The following CDRT15 variants were observed in gnomAD, a reference collection of about 807,000 sequenced individuals.
CDRT15 encodes the protein CMT1A duplicated region transcript 15 protein.
CDRT15 carries 9 observed loss-of-function variants against 14.9 expected under a neutral mutation model. The ratio of observed to expected loss-of-function variants is 0.60; its 90% CI spans 0.36 to 1.06. CDRT15 has a LOEUF of 1.06. Ranked by LOEUF, CDRT15 falls within the 50% of genes least tolerant of loss-of-function variation. The pLI is 0.01. For synonymous variants in CDRT15, 50 were observed against 96.6 expected, an observed-to-expected ratio of 0.52 and a Z score of 2.83; for missense variants, 117 against 235.3, an observed-to-expected ratio of 0.50 and a Z score of 3.29.
Position 14,235,763 on chromosome 17 carries a change from TG to T in CDRT15, c.*92del. ...ATAAATGGTAGGGCAGGTGGTGGCA[TG>T]GAGAGCCTGGGGCACAACGGCTGTC... is the stretch of plus-strand genomic sequence containing the variant. On this transcript the variant is annotated 3_prime_UTR_variant, in exon 3 of 3. Transcript: ENST00000420162. The T allele has an allele frequency of 9.8e-7, 1 of 1,016,144 alleles. No individual in the cohort carries two copies. Among genetic ancestry groups the T allele is most frequent in the Non-Finnish European group, 1.4e-6 (1 of 692,476 alleles). The allele number at this position is 1,016,144 out of a possible 1,614,324, so 62.9% of individuals were successfully genotyped here.
In CDRT15 at chr17:14,235,770, C is replaced by G; in HGVS notation, c.*86G>C. On this transcript the variant is annotated 3_prime_UTR_variant, in exon 3 of 3. Transcript: ENST00000420162. ...GTAGGGCAGGTGGTGGCATGGAGAG[C>G]CTGGGGCACAACGGCTGTCGTTAAA... 5.3e-6 allele frequency: 6 copies of G among 1,127,416 alleles called. No individual in the cohort carries two copies. The highest frequency in any genetic ancestry group is 7.6e-6 in the Non-Finnish European group (6 of 785,178). The allele number at this position is 1,127,416 out of a possible 1,614,324, so 69.8% of individuals were successfully genotyped here. A position where few individuals can be genotyped will look rare whatever the true frequency, so the allele number is the denominator to read the frequency against.
Position 14,236,281 on chromosome 17 carries a change from C to G in CDRT15, c.411+1G>C. 6.2e-7 allele frequency: 1 copy of G among 1,611,878 alleles called. No homozygotes were observed. Among genetic ancestry groups the G allele is most frequent in the Non-Finnish European group, 8.5e-7 (1 of 1,179,500 alleles). On this transcript the variant is annotated splice_donor_variant, in intron 2 of 2. Transcript: ENST00000420162. LOFTEE classifies it high-confidence loss of function. ...TTAGGGCTAGTGGCTACAGTACGTG[C>G]CGTGATTTCAGGCAGCTCCTCGTTG...
chr17:14,236,828 G>C lies in CDRT15; in HGVS notation c.6C>G (p.Phe2Leu). M[F>L]SCCFPTSRGC... ...CTCTCGAAGTGGGGAAGCAACACGA[G>C]AACATCTTGCTCTCTTGAGCGACTC... Residue 2 changes from phenylalanine to leucine, a missense_variant, in exon 1 of 3, where the codon TTC becomes TTG. Transcript: ENST00000420162. 3.1e-6 allele frequency: 5 copies of C among 1,609,060 alleles called. No homozygotes were observed. The highest frequency in any genetic ancestry group is 4.2e-6 in the Non-Finnish European group (5 of 1,178,186).
Position 14,236,689 on chromosome 17 carries a change from G to C in CDRT15, c.145C>G (p.Gln49Glu), listed in dbSNP as rs1907408975. 5 of 1,611,596 alleles carry C rather than the reference G, an allele frequency of 3.1e-6. No homozygotes were observed. The highest frequency in any genetic ancestry group is 4.2e-6 in the Non-Finnish European group (5 of 1,179,316). The change falls in exon 1 of 3, where the codon CAG becomes GAG. Residue 49 changes from glutamine (Q) to glutamate (E), a missense_variant. Physicochemically the swap from Gln to Glu is conservative, Grantham distance 29. Coordinates refer to ENST00000420162, the MANE Select transcript of CDRT15 (RefSeq NM_001007530.3). Reference sequence around the variant, plus strand: ...GCTAGGGCCTGCCCCAGGCTGTCCTGTGGTACCTGGATGCGCCTTATTACA... The same window carrying C: ...GCTAGGGCCTGCCCCAGGCTGTCCTCTGGTACCTGGATGCGCCTTATTACA... Reference protein sequence around the residue: ...PVVIRRIQVPQDSLGQALAGQ... With the variant: ...PVVIRRIQVPEDSLGQALAGQ...
At position 14,236,304 on chromosome 17, in the gene CDRT15, T is replaced by G. The variant is rs1223875198; in HGVS notation, c.389A>C (p.Asn130Thr). Reference sequence around the variant, plus strand: ...TGCCGTGATTTCAGGCAGCTCCTCGTTGGTCTGGTCCTTGGCTGGAGCTCC... The same window carrying G: ...TGCCGTGATTTCAGGCAGCTCCTCGGTGGTCTGGTCCTTGGCTGGAGCTCC... Reference protein sequence around the residue: ...LEGAPAKDQTNEELPEITEVP... With the variant: ...LEGAPAKDQTTEELPEITEVP... The change falls in exon 2 of 3, where the codon AAC (asparagine) becomes ACC (threonine). Residue 130 changes from asparagine (N) to threonine (T), a missense_variant. Asn to Thr is a moderately conservative substitution (Grantham distance 65). Around this residue, in one of 3 missense-constraint regions of CDRT15, gnomAD observed 61 missense variants for 138.2 expected, o/e 0.44. Transcript: ENST00000420162. 6.2e-7 allele frequency: 1 copy of G among 1,612,380 alleles called. No homozygotes were observed. Among genetic ancestry groups the G allele is most frequent in the Non-Finnish European group, 8.5e-7 (1 of 1,179,734 alleles).
At position 14,236,348 on chromosome 17, in the gene CDRT15, C is replaced by T; in HGVS notation, c.345G>A (p.Glu115=). 6.2e-7 allele frequency: 1 copy of T among 1,611,860 alleles called. No individual in the cohort carries two copies. The highest frequency in any genetic ancestry group is 2.2e-5 in the East Asian group (1 of 44,864). Reference sequence around the variant, plus strand: ...GAGCTCCCTCCAGCTCCAGTGCTCTCTCTGGAGGGGCCTCTTCCCATGCTG... The same window carrying T: ...GAGCTCCCTCCAGCTCCAGTGCTCTTTCTGGAGGGGCCTCTTCCCATGCTG... ...PEPAWEEAPP[E]RALELEGAPA... is the part of the protein sequence containing the mutation. The change falls in exon 2 of 3, where the codon GAG becomes GAA. Residue 115 remains glutamate (E), a synonymous_variant. Coordinates refer to ENST00000420162, the MANE Select transcript of CDRT15 (RefSeq NM_001007530.3).
rs552803713 is a variant in CDRT15 at position 14,236,163 on chromosome 17, G to A, written c.411+119C>T. 3.1e-5 allele frequency: 48 copies of A among 1,527,818 alleles called. No homozygotes were observed. In the African/African-American group the frequency reaches 6.1e-4, roughly 20 times the overall value. The allele number at this position is 1,527,818 out of a possible 1,614,324, so 94.6% of individuals were successfully genotyped here. On this transcript the variant is annotated intron_variant, in intron 2 of 2. Coordinates refer to ENST00000420162, the MANE Select transcript of CDRT15 (RefSeq NM_001007530.3). ...GCCTGCATGTTTGCCACCGTGCCCA[G>A]GACTAGGGGCAGCATGGGAGCTGCT...
intron 2 of CDRT15, 53 bp downstream of exon 2, chr17:14,236,229 T>A: frequency 6.3e-7 from 1 of 1,598,410 alleles, no homozygotes; most frequent in Non-Finnish European, 8.5e-7. Context: ...CCCACTTCTC[T>A]CTCCAGCCAC....
At chr17:14,236,162 A>T in intron 2 of CDRT15, 120 bp downstream of exon 2, 2 of 1,519,488 alleles carry the variant, frequency 1.3e-6, no homozygotes, top group Non-Finnish European at 1.8e-6. Flanking sequence ...CACCGTGCCC[A>T]GGACTAGGGG....
rs770108402 is a variant in CDRT15, at chr17:14,236,368, A to G, written c.325T>C (p.Trp109Arg). ...GCTCTCTCTGGAGGGGCCTCTTCCC[A>G]TGCTGGCTCTGGCTCCGCCGCTGGT... ...PAPAAEPEPA[W>R]EEAPPERALE... Residue 109 changes from tryptophan (W) to arginine (R), a missense_variant, in exon 2 of 3, where the codon TGG becomes CGG. Trp to Arg is a moderately radical substitution (Grantham distance 101). This residue lies in a region of CDRT15 where 61 missense variants were observed against 138.2 expected (regional missense o/e 0.44). Transcript: ENST00000420162. 1.2e-6 allele frequency: 2 copies of G among 1,611,834 alleles called. No individual in the cohort carries two copies. Among genetic ancestry groups the G allele is most frequent in the East Asian group, 2.2e-5 (1 of 44,832 alleles).
rs1223875198 is a variant in CDRT15, at chr17:14,236,304, T to A, written c.389A>T (p.Asn130Ile). 1 of 1,612,380 alleles carries A rather than the reference T, an allele frequency of 6.2e-7. No individual in the cohort carries two copies. Among genetic ancestry groups the A allele is most frequent in the African/African-American group, 1.3e-5 (1 of 74,882 alleles). Residue 130 changes from asparagine (N) to isoleucine (I), a missense_variant, in exon 2 of 3, where the codon AAC becomes ATC. Asn to Ile is a moderately radical substitution (Grantham distance 149). Around this residue, in one of 3 missense-constraint regions of CDRT15, gnomAD observed 61 missense variants for 138.2 expected, o/e 0.44. Coordinates refer to ENST00000420162, the MANE Select transcript of CDRT15 (RefSeq NM_001007530.3). Reference sequence around the variant, plus strand: ...TGCCGTGATTTCAGGCAGCTCCTCGTTGGTCTGGTCCTTGGCTGGAGCTCC... The same window carrying A: ...TGCCGTGATTTCAGGCAGCTCCTCGATGGTCTGGTCCTTGGCTGGAGCTCC... ...LEGAPAKDQT[N>I]EELPEITEVP...
rs1425335942 is a variant in CDRT15 at position 14,236,858 on chromosome 17, C to A, written c.-25G>T. ...TCTTGCTCTCTTGAGCGACTCCCAC[C>A]AAGTGAGCTGTTTACGGCGCTGACT... On this transcript the variant is annotated 5_prime_UTR_variant, in exon 1 of 3. Coordinates refer to ENST00000420162, the MANE Select transcript of CDRT15 (RefSeq NM_001007530.3). The A allele has an allele frequency of 1.9e-6, 3 of 1,591,394 alleles. No individual in the cohort carries two copies. The highest frequency in any genetic ancestry group is 1.2e-5 in the South Asian group (1 of 86,600).
Position 14,236,555 on chromosome 17 carries a change from G to A in CDRT15, c.262+17C>T. ...TCACCGCCCCCGCAAAGTCTTCCAG[G>A]CTGCAGGCCACCTCACCAAGTGTCT... On this transcript the variant is annotated intron_variant, in intron 1 of 2. Coordinates refer to ENST00000420162, the MANE Select transcript of CDRT15 (RefSeq NM_001007530.3). The A allele has an allele frequency of 3.8e-6, 6 of 1,560,624 alleles. No individual in the cohort carries two copies. The highest frequency in any genetic ancestry group is 5.2e-6 in the Non-Finnish European group (6 of 1,151,092).
In CDRT15 at chr17:14,236,193, G is replaced by A; in HGVS notation, c.411+89C>T. 4.5e-6 allele frequency: 7 copies of A among 1,567,592 alleles called. No homozygotes were observed. In the South Asian group the frequency reaches 8.5e-5, roughly 19 times the overall value. ...AGGGGCAGCATGGGAGCTGCTGGCT[G>A]GGGCTGTGCTGGTCACCCCCTCCCT... On this transcript the variant is annotated intron_variant, in intron 2 of 2. Transcript: ENST00000420162.
At position 14,236,814 on chromosome 17, in the gene CDRT15, G is replaced by A. The variant is rs374082561; in HGVS notation, c.20C>T (p.Pro7Leu). The A allele has an allele frequency of 3.9e-5, 63 of 1,611,112 alleles. No individual in the cohort carries two copies. In the African/African-American group the frequency reaches 8.3e-4, roughly 21 times the overall value. The change falls in exon 1 of 3, where the codon CCC (proline) becomes CTC (leucine). Residue 7 changes from proline to leucine, a missense_variant. Physicochemically the swap from Pro to Leu is moderately conservative, Grantham distance 98. This residue lies in a region of CDRT15 where 50 missense variants were observed against 48.8 expected (regional missense o/e 1.03). Transcript: ENST00000420162. ...CCTGAAGCAGCAACCTCTCGAAGTG[G>A]GGAAGCAACACGAGAACATCTTGCT... Reference protein sequence around the residue: MFSCCFPTSRGCCFRNG... With the variant: MFSCCFLTSRGCCFRNG...
At position 14,236,311 on chromosome 17, in the gene CDRT15, G is replaced by C. The variant is rs764142245; in HGVS notation, c.382C>G (p.Gln128Glu). The C allele has an allele frequency of 1.1e-5, 17 of 1,612,338 alleles. No individual in the cohort carries two copies. Among genetic ancestry groups the C allele is most frequent in the Non-Finnish European group, 1.4e-5 (17 of 1,179,718 alleles). The change falls in exon 2 of 3, where the codon CAG becomes GAG. Residue 128 changes from glutamine (Q) to glutamate (E), a missense_variant. This residue lies in a region of CDRT15 where 61 missense variants were observed against 138.2 expected (regional missense o/e 0.44). Coordinates refer to ENST00000420162, the MANE Select transcript of CDRT15 (RefSeq NM_001007530.3). ...LELEGAPAKDQTNEELPEITE... is the reference protein window; with the variant it reads ...LELEGAPAKDETNEELPEITE... ...ATTTCAGGCAGCTCCTCGTTGGTCT[G>C]GTCCTTGGCTGGAGCTCCCTCCAGC... is the stretch of plus-strand genomic sequence containing the variant.
Position 14,236,315 on chromosome 17 carries a change from C to T in CDRT15, c.378G>A (p.Lys126=), listed in dbSNP as rs756862882. ...CAGGCAGCTCCTCGTTGGTCTGGTC[C>T]TTGGCTGGAGCTCCCTCCAGCTCCA... ...RALELEGAPA[K]DQTNEELPEI... is the part of the protein sequence containing the mutation. The change falls in exon 2 of 3, where the codon AAG becomes AAA. Residue 126 remains lysine (K), a synonymous_variant. Coordinates refer to ENST00000420162, the MANE Select transcript of CDRT15 (RefSeq NM_001007530.3). 4.3e-6 allele frequency: 7 copies of T among 1,612,392 alleles called. No homozygotes were observed. Among genetic ancestry groups the T allele is most frequent in the Non-Finnish European group, 5.1e-6 (6 of 1,179,676 alleles).
At chr17:14,236,532 A>G (rs1290758316) in intron 1 of CDRT15, 40 bp downstream of exon 1, 6 of 1,570,414 alleles carry the variant, frequency 3.8e-6, no homozygotes, top group East Asian at 2.3e-5. Flanking sequence ...GCCCAAAATC[A>G]CCGCCCCCGC....
chr17:14,236,343 GCT>G lies in CDRT15; in HGVS notation c.348_349del (p.Arg116SerfsTer19), dbSNP rs1567620901. 1 of 1,611,724 alleles carries G rather than the reference GCT, an allele frequency of 6.2e-7. No homozygotes were observed. Among genetic ancestry groups the G allele is most frequent in the Admixed American group, 1.7e-5 (1 of 59,798 alleles). On this transcript the variant is annotated frameshift_variant, in exon 2 of 3. Coordinates refer to ENST00000420162, the MANE Select transcript of CDRT15 (RefSeq NM_001007530.3). LOFTEE classifies it high-confidence loss of function. The stretch of plus-strand genomic sequence containing the variant: ...GGCTGGAGCTCCCTCCAGCTCCAGT[GCT>G]CTCTCTGGAGGGGCCTCTTCCCATG...
Sources: gnomAD v4.1 joint callset for allele counts on GRCh38, gnomAD v4.1.1 for gene constraint, gnomAD v4.1.1 regional missense constraint, MANE v1.5 for transcripts, NCBI Gene and HGNC (gene_info 2026-07-23, HGNC 2026-07-21) for gene names.